Variants in MAP1B observed in about 807,000 individuals in gnomAD.
MAP1B encodes the protein microtubule-associated protein 1B.
A neutral mutation model predicts 176.1 loss-of-function variants in MAP1B; 12 were observed. The observed-to-expected ratio is 0.07, with a 90% CI of 0.04 to 0.11. The LOEUF is 0.11. Among genes scored for constraint, MAP1B ranks in the 10% least tolerant of loss-of-function variants. The pLI, the probability that MAP1B is intolerant of heterozygous loss-of-function variation, is 1.00. For missense variants in MAP1B, 2,523 were observed against 2,990.5 expected (o/e 0.84, Z 3.65); for synonymous variants, 1,044 against 1,135.0 (o/e 0.92, Z 1.61).
intron 3 of MAP1B, among the ~76,000 whole-genome samples, chr5:72,185,849 T>C (rs1746886142): frequency 6.6e-6 from 1 of 152,186 alleles, no homozygotes; most frequent in African/African-American, 2.4e-5. Context: ...ACATGATGCC[T>C]GGCAAGTAGG....
At position 72,176,756 on chromosome 5, in the gene MAP1B, C is replaced by T. The variant is rs140295649; in HGVS notation, c.287-6987C>T. Among the ~76,000 whole-genome samples the T allele has an allele frequency of 7.5e-4, 115 of 152,348 alleles. No homozygotes were observed. In the East Asian group the frequency reaches 0.017, roughly 23 times the overall value. Reference sequence around the variant, plus strand: ...AATGTGTGCATGACCTTAAAACCAGCACGCACATTGAATTATGCTTTTGCC... The same window carrying T: ...AATGTGTGCATGACCTTAAAACCAGTACGCACATTGAATTATGCTTTTGCC... On this transcript the variant is annotated intron_variant, in intron 2 of 6. Transcript: ENST00000296755.
intron 5 of MAP1B, among the ~76,000 whole-genome samples, chr5:72,201,552 A>G (rs1438750345): frequency 1.3e-5 from 2 of 152,240 alleles, no homozygotes; most frequent in Admixed American, 6.5e-5. Context: ...GCTTCACATC[A>G]ATCACAAGGA....
At chr5:72,178,472 G>T (rs1746695508) in intron 2 of MAP1B, among the ~76,000 whole-genome samples, 1 of 152,194 alleles carries the variant, frequency 6.6e-6, no homozygotes, top group South Asian at 2.1e-4. Context: ...TGGGCAGGGG[G>T]CTGGAAGTAG....
At chr5:72,134,030 CA>C (rs1745785849) in intron 2 of MAP1B, among the ~76,000 whole-genome samples, 1 of 152,210 alleles carries the variant, frequency 6.6e-6, no homozygotes, top group African/African-American at 2.4e-5. Flanking sequence ...AAAAGTGTCA[CA>C]TGCATTCTTA....
chr5:72,196,302 G>A lies in MAP1B; in HGVS notation c.2947G>A (p.Asp983Asn), dbSNP rs577341841. 2 of 1,614,134 alleles carry A rather than the reference G, an allele frequency of 1.2e-6. No homozygotes were observed. Among genetic ancestry groups the A allele is most frequent in the South Asian group, 2.2e-5 (2 of 91,062 alleles). Residue 983 changes from aspartate to asparagine, a missense_variant, in exon 5 of 7, where the codon GAT becomes AAT. Physicochemically the swap from Asp to Asn is conservative, Grantham distance 23. Coordinates refer to ENST00000296755, the MANE Select transcript of MAP1B (RefSeq NM_005909.5). This position sits in a 1 kb window ranked among gnomAD's most constrained non-coding sequence, Gnocchi z 5.3. Reference sequence around the variant, plus strand: ...TGAGGAAAGTGCCAAGGCGGAGGCTGATGCATACATCAGGGAGAAGAGGGA... The same window carrying A: ...TGAGGAAAGTGCCAAGGCGGAGGCTAATGCATACATCAGGGAGAAGAGGGA... ...EDEESAKAEA[D>N]AYIREKRESV...
chr5:72,194,219 A>G lies in MAP1B; in HGVS notation c.864A>G (p.Ser288=). Residue 288 remains serine, a synonymous_variant, in exon 5 of 7, where the codon TCA becomes TCG. Coordinates refer to ENST00000296755, the MANE Select transcript of MAP1B (RefSeq NM_005909.5). This position sits in a 1 kb window ranked among gnomAD's most constrained non-coding sequence, Gnocchi z 7.2. ...NGFNMLINGG[S]ERKSCFWKLI... is the part of the protein sequence containing the mutation. Reference sequence around the variant, plus strand: ...TCAATATGCTCATCAATGGCGGATCAGAGAGAAAATCCTGCTTCTGGAAGC... The same window carrying G: ...TCAATATGCTCATCAATGGCGGATCGGAGAGAAAATCCTGCTTCTGGAAGC... 6.2e-7 allele frequency: 1 copy of G among 1,614,252 alleles called. No homozygotes were observed. The highest frequency in any genetic ancestry group is 8.5e-7 in the Non-Finnish European group (1 of 1,180,050).
In MAP1B at chr5:72,198,590, C is replaced by T. The variant is rs1747242778; in HGVS notation, c.5235C>T (p.Leu1745=). ...CCCCTTCTCAGATCGCTTCTCCTCT[C>T]CAAGAAGATACTCTATCCGATGTTG... is the stretch of plus-strand genomic sequence containing the variant. ...AHTPSQIASP[L]QEDTLSDVAP... The change falls in exon 5 of 7, where the codon CTC becomes CTT. Residue 1745 remains leucine, a synonymous_variant. Coordinates refer to ENST00000296755, the MANE Select transcript of MAP1B (RefSeq NM_005909.5). 6.2e-7 allele frequency: 1 copy of T among 1,614,090 alleles called. No individual in the cohort carries two copies. Among genetic ancestry groups the T allele is most frequent in the East Asian group, 2.2e-5 (1 of 44,872 alleles).
At chr5:72,138,864 C>A (rs976610497) in intron 2 of MAP1B, among the ~76,000 whole-genome samples, 3 of 152,176 alleles carry the variant, frequency 2.0e-5, no homozygotes, top group Non-Finnish European at 2.9e-5. Context: ...TATCACTGAG[C>A]AGTAGGTGAA....
Position 72,195,506 on chromosome 5 carries a change from G to T in MAP1B, c.2151G>T (p.Glu717Asp), listed in dbSNP as rs2112234623. The change falls in exon 5 of 7, where the codon GAG becomes GAT. Residue 717 changes from glutamate to aspartate, a missense_variant. Around this residue, in one of 4 missense-constraint regions of MAP1B, gnomAD observed 1,925 missense variants for 2,126.0 expected, o/e 0.91. Transcript: ENST00000296755. The stretch of plus-strand genomic sequence containing the variant: ...TCAAGAAGGAAGTTAAGAAGGAAGA[G>T]AAGAAGGAAGTGAAAAAGGAAGAAA... ...KEVKKEVKKEEKKEVKKEEKE... is the reference protein window; with the variant it reads ...KEVKKEVKKEDKKEVKKEEKE... The T allele has an allele frequency of 6.3e-7, 1 of 1,587,022 alleles. No homozygotes were observed. Among genetic ancestry groups the T allele is most frequent in the Non-Finnish European group, 8.5e-7 (1 of 1,173,334 alleles).
At position 72,197,283 on chromosome 5, in the gene MAP1B, T is replaced by C; in HGVS notation, c.3928T>C (p.Cys1310Arg). The C allele has an allele frequency of 1.2e-6, 2 of 1,614,206 alleles. No homozygotes were observed. Among genetic ancestry groups the C allele is most frequent in the Non-Finnish European group, 1.7e-6 (2 of 1,180,040 alleles). ...EVTQEVVEEH[C>R]ASPEDKTLEV... is the part of the protein sequence containing the mutation. Reference sequence around the variant, plus strand: ...GACCCAAGAAGTAGTTGAAGAACATTGTGCTAGTCCTGAGGACAAGACTCT... The same window carrying C: ...GACCCAAGAAGTAGTTGAAGAACATCGTGCTAGTCCTGAGGACAAGACTCT... Residue 1310 changes from cysteine to arginine, a missense_variant, in exon 5 of 7, where the codon TGT becomes CGT. Cys to Arg is a radical substitution (Grantham distance 180). Transcript: ENST00000296755.
chr5:72,131,019 G>T (rs1745722511), intron 2 of MAP1B, among the ~76,000 whole-genome samples: 2 of 152,170 alleles, frequency 1.3e-5, no homozygotes, highest in Admixed American at 1.3e-4. Context: ...TGTCTAATGG[G>T]ATCTGGTAAT....
intron 2 of MAP1B, among the ~76,000 whole-genome samples, chr5:72,117,471 A>C (rs1745455404): frequency 6.6e-6 from 1 of 152,132 alleles, no homozygotes; most frequent in East Asian, 1.9e-4. Flanking sequence ...ATTTGGACTG[A>C]CTTTATAGAG....
intron 1 of MAP1B, among the ~76,000 whole-genome samples, chr5:72,108,898 T>A (rs1160673964): frequency 6.6e-6 from 1 of 152,142 alleles, no homozygotes; most frequent in Non-Finnish European, 1.5e-5. Flanking sequence ...GCCGGGTCCC[T>A]CCGCAGCCCC....
rs1226423222 is a variant in MAP1B at position 72,199,724 on chromosome 5, C to T, written c.6369C>T (p.Leu2123=). ...CCACTGAAGAATCTGAAAAGCCCCT[C>T]ACTCAATCAGGGGGAGCCCCACCGC... is the stretch of plus-strand genomic sequence containing the variant. ...EEPTEESEKP[L]TQSGGAPPPP... The change falls in exon 5 of 7, where the codon CTC becomes CTT. Residue 2123 remains leucine (L), a synonymous_variant. Coordinates refer to ENST00000296755, the MANE Select transcript of MAP1B (RefSeq NM_005909.5). The surrounding 1 kb of genome is among the most constrained non-coding windows in gnomAD (Gnocchi z 4.2). 1 of 1,614,178 alleles carries T rather than the reference C, an allele frequency of 6.2e-7. No individual in the cohort carries two copies. Among genetic ancestry groups the T allele is most frequent in the South Asian group, 1.1e-5 (1 of 91,082 alleles).
chr5:72,163,930 C>CTTTTTTTTTTTTTTTTTT (rs869167918), intron 2 of MAP1B, among the ~76,000 whole-genome samples: 15 of 43,692 alleles, frequency 3.4e-4, no homozygotes, highest in East Asian at 8.8e-4. Flanking sequence ...TTTTTTTTTT[C>CTTTTTTTTTTTTTTTTTT]TTTTTTTTTT....
intron 2 of MAP1B, among the ~76,000 whole-genome samples, chr5:72,145,040 G>T (rs1280092531): frequency 2.6e-5 from 4 of 152,196 alleles, no homozygotes; most frequent in Non-Finnish European, 5.9e-5. Flanking sequence ...TGAAAATCAC[G>T]CTCTGTCCAG....
chr5:72,140,212 C>T (rs1011911238), intron 2 of MAP1B, among the ~76,000 whole-genome samples: 4 of 152,202 alleles, frequency 2.6e-5, no homozygotes, highest in African/African-American at 9.6e-5. Context: ...ATCTGCCCTC[C>T]TCAGCCTCCC....
intron 4 of MAP1B, among the ~76,000 whole-genome samples, chr5:72,189,705 A>C (rs1580015399): frequency 6.6e-6 from 1 of 152,104 alleles, no homozygotes; most frequent in Admixed American, 6.5e-5. Context: ...AAAAAAAAAA[A>C]AACTATACTT....
intron 2 of MAP1B, among the ~76,000 whole-genome samples, chr5:72,153,285 G>A (rs1337255544): frequency 6.6e-6 from 1 of 152,124 alleles, no homozygotes; most frequent in Non-Finnish European, 1.5e-5. Context: ...AGAGAGCGGG[G>A]AGGGAGGGTG....
Sources: allele counts gnomAD v4.1 joint callset (sites outside exome capture counted in the v4.1 genomes callset), GRCh38; gene constraint gnomAD v4.1.1; regional missense constraint gnomAD v4.1.1; non-coding constraint Gnocchi (gnomAD v3.1); transcripts MANE v1.5; gene names NCBI Gene and HGNC (gene_info 2026-07-23, HGNC 2026-07-21).